Variants in HCFC2 observed in about 807,000 individuals in gnomAD.
HCFC2 encodes the protein host cell factor 2.
HCFC2 carries 18 observed loss-of-function variants against 89.2 expected under a neutral mutation model. That is an observed-to-expected ratio of 0.20 (90% confidence interval 0.14 to 0.30). HCFC2 has a LOEUF of 0.30. Among genes scored for constraint, HCFC2 ranks in the 10% least tolerant of loss-of-function variants. The probability of loss-of-function intolerance (pLI) is 1.00; values close to 1 mark genes in which losing one functional copy is unlikely to be tolerated. For synonymous variants in HCFC2, 308 were observed against 335.7 expected, an observed-to-expected ratio of 0.92 and a Z score of 0.90; for missense variants, 578 against 956.1, an observed-to-expected ratio of 0.60 and a Z score of 5.21.
chr12:104,067,156 T>G (rs7306771), intron 2 of HCFC2, among the ~76,000 whole-genome samples: 60,390 of 152,066 alleles, frequency 0.4, 12,092 homozygotes, highest in South Asian at 0.51. Flanking sequence ...TCAACTGACA[T>G]ATTCACAACT....
At chr12:104,093,604 C>A in intron 10 of HCFC2, 41 bp downstream of exon 10, 1 of 1,507,010 alleles carries the variant, frequency 6.6e-7, no homozygotes, top group Non-Finnish European at 9.1e-7. Flanking sequence ...TTTATAAAAT[C>A]GGTGGGGAAT....
At chr12:104,085,679 G>T (rs1426953229) in intron 7 of HCFC2, among the ~76,000 whole-genome samples, 3 of 151,008 alleles carry the variant, frequency 2.0e-5, no homozygotes, top group Non-Finnish European at 2.9e-5. Flanking sequence ...ATCAGTTTTG[G>T]TGGAAGAGGG....
intron 7 of HCFC2, among the ~76,000 whole-genome samples, chr12:104,083,471 A>G (rs1177027554): frequency 1.3e-5 from 2 of 152,266 alleles, no homozygotes; most frequent in South Asian, 2.1e-4. Context: ...CAAAGGAGAC[A>G]TTACAACTGA....
rs1207274702 is a variant in HCFC2 at position 104,106,406 on chromosome 12, C to A, written c.*3133C>A. 6.6e-6 allele frequency: 1 copy of A among 152,116 alleles called. No individual in the cohort carries two copies. Among genetic ancestry groups the A allele is most frequent in the South Asian group, 2.1e-4 (1 of 4,828 alleles). 9.4% of individuals were successfully genotyped at this position (152,116 alleles called of 1,614,324 possible). ...AAGTAGCTTGCAAAATAGACTTGGT[C>A]TTTGACCCTTTAAGGTGTAACTGAC... On this transcript the variant is annotated 3_prime_UTR_variant, in exon 15 of 15. Coordinates refer to ENST00000229330, the MANE Select transcript of HCFC2 (RefSeq NM_013320.3).
In HCFC2 at chr12:104,105,303, C is replaced by G. The variant is rs2030056439; in HGVS notation, c.*2030C>G. The G allele has an allele frequency of 6.6e-6, 1 of 152,042 alleles. No individual in the cohort carries two copies. Among genetic ancestry groups the G allele is most frequent in the African/African-American group, 2.4e-5 (1 of 41,434 alleles). The allele number at this position is 152,042 out of a possible 1,614,324, so 9.4% of individuals were successfully genotyped here. ...AGTTTGGCTTTTAACCCTTTCTTCTCTGCATTAATTAACAACGTGCATCTT... is the reference window on the plus strand; with the variant it reads ...AGTTTGGCTTTTAACCCTTTCTTCTGTGCATTAATTAACAACGTGCATCTT... On this transcript the variant is annotated 3_prime_UTR_variant, in exon 15 of 15. Coordinates refer to ENST00000229330, the MANE Select transcript of HCFC2 (RefSeq NM_013320.3).
At chr12:104,096,820 A>T (rs139820211) in intron 12 of HCFC2, among the ~76,000 whole-genome samples, 75 of 152,314 alleles carry the variant, frequency 4.9e-4, no homozygotes, top group Non-Finnish European at 9.6e-4. Flanking sequence ...GTATGTATAT[A>T]TACATACATA....
At chr12:104,067,180 T>C (rs888432907) in intron 2 of HCFC2, among the ~76,000 whole-genome samples, 2 of 152,196 alleles carry the variant, frequency 1.3e-5, no homozygotes, top group Admixed American at 1.3e-4. Context: ...AATAAAACTT[T>C]CCACATTTGG....
intron 8 of HCFC2, among the ~76,000 whole-genome samples, chr12:104,087,654 G>C (rs1883909041): frequency 1.3e-5 from 2 of 151,804 alleles, no homozygotes; most frequent in Non-Finnish European, 2.9e-5. Context: ...ACGTAGGATA[G>C]ATTGTGTTTT....
chr12:104,078,988 G>A (rs1448884423), intron 3 of HCFC2, among the ~76,000 whole-genome samples: 1 of 152,154 alleles, frequency 6.6e-6, no homozygotes, highest in Non-Finnish European at 1.5e-5. Context: ...GAGTGTTCTA[G>A]TTAAGCCATT....
In HCFC2 at chr12:104,103,596, G is replaced by T. The variant is rs983043624; in HGVS notation, c.*323G>T. The T allele has an allele frequency of 4.0e-6, 1 of 249,182 alleles. No homozygotes were observed. Among genetic ancestry groups the T allele is most frequent in the Admixed American group, 5.1e-5 (1 of 19,788 alleles). 15.4% of individuals were successfully genotyped at this position (249,182 alleles called of 1,614,324 possible). A position where few individuals can be genotyped will look rare whatever the true frequency, so the allele number is the denominator to read the frequency against. ...GGCTGTGTAACCCAGTCATCCTAGA[G>T]TTATTGAGATGATTCTGGTAACTGG... On this transcript the variant is annotated 3_prime_UTR_variant, in exon 15 of 15. Transcript: ENST00000229330.
intron 3 of HCFC2, among the ~76,000 whole-genome samples, chr12:104,073,000 A>G (rs1385585704): frequency 6.6e-6 from 1 of 151,484 alleles, no homozygotes; most frequent in Non-Finnish European, 1.5e-5. Flanking sequence ...TAGAAACACA[A>G]CCTTGGTTTT....
intron 5 of HCFC2, among the ~76,000 whole-genome samples, chr12:104,081,300 T>A (rs925268760): frequency 1.3e-5 from 2 of 152,228 alleles, no homozygotes; most frequent in African/African-American, 4.8e-5. Context: ...AAATTTAATC[T>A]GTTTGTACCT....
chr12:104,102,496 A>AG (rs2029980583), intron 14 of HCFC2, among the ~76,000 whole-genome samples: 1 of 151,788 alleles, frequency 6.6e-6, no homozygotes, highest in African/African-American at 2.4e-5. Flanking sequence ...ATAGGCCCCA[A>AG]TGTGTGTTGT....
chr12:104,097,732 G>A (rs1169436502), intron 12 of HCFC2: 1 of 595,626 alleles, frequency 1.7e-6, no homozygotes, highest in Non-Finnish European at 2.1e-6. Context: ...ACCACTAAAA[G>A]TAGCTTAAGG....
chr12:104,070,820 T>TTC (rs1555284821), intron 3 of HCFC2, among the ~76,000 whole-genome samples: 1 of 149,986 alleles, frequency 6.7e-6, no homozygotes, highest in Non-Finnish European at 1.5e-5. Context: ...TTTTTTTTTT[T>TTC]TTGAGACGGA....
At chr12:104,101,094 ATTGT>A (rs1273130260) in intron 13 of HCFC2, among the ~76,000 whole-genome samples, 8 of 152,168 alleles carry the variant, frequency 5.3e-5, no homozygotes, top group Non-Finnish European at 1.0e-4. Context: ...ATATGTAAAA[ATTGT>A]TTGAAAGTTG....
At chr12:104,071,044 C>T (rs1044252118) in intron 3 of HCFC2, among the ~76,000 whole-genome samples, 1 of 152,110 alleles carries the variant, frequency 6.6e-6, no homozygotes, top group African/African-American at 2.4e-5. Context: ...CTGACCTCAT[C>T]ATCCGCCTGC....
intron 3 of HCFC2, among the ~76,000 whole-genome samples, chr12:104,072,145 A>C (rs905330611): frequency 6.6e-6 from 1 of 152,186 alleles, no homozygotes; most frequent in African/African-American, 2.4e-5. Context: ...GGCTGAGGCC[A>C]GCAGATCACT....
chr12:104,100,515 A>G (rs1195377789), intron 13 of HCFC2, among the ~76,000 whole-genome samples: 1 of 152,104 alleles, frequency 6.6e-6, no homozygotes, highest in East Asian at 1.9e-4. Context: ...TCAAGGCTGC[A>G]GTGAGCCATG....
Sources: allele counts gnomAD v4.1 joint callset (sites outside exome capture counted in the v4.1 genomes callset), GRCh38; gene constraint gnomAD v4.1.1; transcripts MANE v1.5; gene names NCBI Gene and HGNC (gene_info 2026-07-23, HGNC 2026-07-21).